The following RGPD5 variants were observed in gnomAD, a reference collection of about 807,000 sequenced individuals.
RGPD5 encodes RANBP2-like and GRIP domain-containing protein 5/6.
At chr2:109,761,031 CA>C in the RGPD5 span, among the ~76,000 whole-genome samples, 1 of 138,554 alleles carries the variant, frequency 7.2e-6, no homozygotes, top group Admixed American at 7.5e-5. Context: ...TCTAGGTAGC[CA>C]GGGGCAGAGC....
At chr2:109,777,437 G>A in the RGPD5 span, among the ~76,000 whole-genome samples, 1 of 137,940 alleles carries the variant, frequency 7.2e-6, no homozygotes, top group African/African-American at 2.7e-5. Flanking sequence ...ATGTCACTTG[G>A]TTATGGTATA....
chr2:109,764,166 T>C, the RGPD5 span, among the ~76,000 whole-genome samples: 1 of 150,318 alleles, frequency 6.7e-6, no homozygotes, highest in Non-Finnish European at 1.5e-5. Flanking sequence ...TTCCAGTTTC[T>C]GGTTTGAAGC....
chr2:109,766,684 G>T, the RGPD5 span, among the ~76,000 whole-genome samples: 1 of 143,244 alleles, frequency 7.0e-6, no homozygotes, highest in African/African-American at 2.7e-5. Context: ...AAGACCTTTG[G>T]CTTAATACAG....
chr2:109,778,411 T>C, the RGPD5 span, among the ~76,000 whole-genome samples: 1 of 149,524 alleles, frequency 6.7e-6, no homozygotes. Flanking sequence ...TGTGGAATGT[T>C]GTTTCTCCGT....
At chr2:109,763,046 A>C in the RGPD5 span, among the ~76,000 whole-genome samples, 1 of 149,618 alleles carries the variant, frequency 6.7e-6, no homozygotes, top group African/African-American at 2.5e-5. Flanking sequence ...AATATTTGAG[A>C]ACTTTCTGTG....
intron 1 of RGPD5, 46 bp downstream of exon 1, chr2:109,794,583 G>GGA (rs1676852319): frequency 1.0e-6 from 1 of 963,566 alleles, no homozygotes; most frequent in African/African-American, 1.8e-5. Flanking sequence ...ACCCGGCCGG[G>GGA]GGGCGGCGGC....
the RGPD5 span, among the ~76,000 whole-genome samples, chr2:109,761,629 C>T: frequency 2.7e-5 from 4 of 146,382 alleles, no homozygotes; most frequent in East Asian, 6.6e-4. Context: ...CTGTCTTATT[C>T]CCCCTTCTTT....
At chr2:109,777,298 G>A in the RGPD5 span, among the ~76,000 whole-genome samples, 3 of 148,318 alleles carry the variant, frequency 2.0e-5, no homozygotes, top group Admixed American at 6.9e-5. Flanking sequence ...GTATTGAGAT[G>A]GTCATATGGG....
the RGPD5 span, among the ~76,000 whole-genome samples, chr2:109,773,463 TGGAA>T: frequency 2.5e-5 from 2 of 80,820 alleles, no homozygotes; most frequent in Admixed American, 1.5e-4. Context: ...AACGCGAGGG[TGGAA>T]TCTGTGTAGA....
At chr2:109,799,281 T>C (rs1676935108) in intron 1 of RGPD5, among the ~76,000 whole-genome samples, 1 of 128,696 alleles carries the variant, frequency 7.8e-6, no homozygotes, top group South Asian at 2.7e-4. Flanking sequence ...GCCTTGTTCC[T>C]TTATGTGCTG....
At chr2:109,761,034 G>T in the RGPD5 span, among the ~76,000 whole-genome samples, 19 of 138,720 alleles carry the variant, frequency 1.4e-4, no homozygotes, top group Non-Finnish European at 2.2e-4. Flanking sequence ...AGGTAGCCAG[G>T]GGCAGAGCGC....
the RGPD5 span, among the ~76,000 whole-genome samples, chr2:109,761,661 A>T: frequency 6.9e-6 from 1 of 145,962 alleles, no homozygotes; most frequent in Non-Finnish European, 1.5e-5. Context: ...CCAACCCGCC[A>T]CTATCTCTTA....
chr2:109,764,489 G>C, the RGPD5 span, among the ~76,000 whole-genome samples: 1 of 149,562 alleles, frequency 6.7e-6, no homozygotes, highest in Admixed American at 6.9e-5. Flanking sequence ...AGAAGACCTT[G>C]TGCTGGTTTC....
At chr2:109,765,550 G>A in the RGPD5 span, among the ~76,000 whole-genome samples, 1 of 150,294 alleles carries the variant, frequency 6.7e-6, no homozygotes, top group Non-Finnish European at 1.5e-5. Flanking sequence ...GAGGGGGCAT[G>A]GGCACATCCT....
At chr2:109,762,977 T>C in the RGPD5 span, among the ~76,000 whole-genome samples, 7 of 144,684 alleles carry the variant, frequency 4.8e-5, no homozygotes, top group Non-Finnish European at 9.0e-5. Context: ...AGTTTTATGG[T>C]TTACGTAAAT....
At chr2:109,794,602 C>T (rs1676861139) in intron 1 of RGPD5, 65 bp downstream of exon 1, 1 of 853,548 alleles carries the variant, frequency 1.2e-6, no homozygotes, top group Non-Finnish European at 1.3e-6. Flanking sequence ...GCGGCGGCGG[C>T]GGCGGCGGGG....
At chr2:109,763,258 GT>G in the RGPD5 span, among the ~76,000 whole-genome samples, 9 of 150,406 alleles carry the variant, frequency 6.0e-5, no homozygotes, top group Non-Finnish European at 1.3e-4. Context: ...ATCAGACACT[GT>G]TCTGAGTACA....
chr2:109,778,294 G>C, the RGPD5 span, among the ~76,000 whole-genome samples: 1 of 135,608 alleles, frequency 7.4e-6, no homozygotes, highest in East Asian at 2.3e-4. Context: ...TTTTTCATTT[G>C]TAAAATGCAG....
At chr2:109,777,414 G>A in the RGPD5 span, among the ~76,000 whole-genome samples, 3 of 141,148 alleles carry the variant, frequency 2.1e-5, no homozygotes, top group Non-Finnish European at 4.6e-5. Context: ...AACCAACCTT[G>A]CATTCCTGGA....
Sources: allele counts gnomAD v4.1 joint callset (sites outside exome capture counted in the v4.1 genomes callset), GRCh38; gene constraint gnomAD v4.1.1; transcripts MANE v1.5; gene names NCBI Gene and HGNC (gene_info 2026-07-23, HGNC 2026-07-21).